Variants in IQGAP3 observed in about 807,000 individuals in gnomAD.
The protein encoded by IQGAP3 is IQ motif containing GTPase activating protein 3, also known as ras GTPase-activating-like protein IQGAP3.
Under a neutral mutation model 208.2 loss-of-function variants are expected in IQGAP3, and 165 were observed. That is an observed-to-expected ratio of 0.79 (90% CI 0.70 to 0.90). The LOEUF (loss-of-function observed/expected upper bound fraction) is 0.90. Ranked by LOEUF, IQGAP3 falls within the 40% of genes least tolerant of loss-of-function variation. IQGAP3 has a pLI of 0.00. For synonymous variants in IQGAP3, 703 were observed against 803.6 expected, an observed-to-expected ratio of 0.87 and a Z score of 2.12; for missense variants, 1,811 against 2,043.1, an observed-to-expected ratio of 0.89 and a Z score of 2.19.
At chr1:156,569,344 A>T in intron 2 of IQGAP3, 32 bp downstream of exon 2, 1 of 1,441,718 alleles carries the variant, frequency 6.9e-7, no homozygotes, top group Non-Finnish European at 9.7e-7. Flanking sequence ...AAGGGAGAGC[A>T]GAAAGAGTCC....
chr1:156,534,756 C>A, intron 28 of IQGAP3, 23 bp from the exon 29 acceptor site: 1 of 1,467,592 alleles, frequency 6.8e-7, no homozygotes, highest in South Asian at 1.4e-5. Flanking sequence ...GAGACTCTCC[C>A]AGAAGTGTCC....
At chr1:156,550,179 G>A in intron 16 of IQGAP3, 82 bp downstream of exon 16, 1 of 939,734 alleles carries the variant, frequency 1.1e-6, no homozygotes. Context: ...GGTGACCAGG[G>A]AGGCTGCCTG....
In IQGAP3 at chr1:156,534,836, C is replaced by G. The variant is rs2102367387; in HGVS notation, c.3508-103G>C. The G allele has an allele frequency of 3.5e-6, 3 of 859,638 alleles. No individual in the cohort carries two copies. The East Asian group carries it at 8.2e-5, about 24-fold the overall frequency. The allele number at this position is 859,638 out of a possible 1,614,324, so 53.3% of individuals were successfully genotyped here. On this transcript the variant is annotated intron_variant, in intron 28 of 37. Transcript: ENST00000361170. ...GGCTGGAAGGGACACCTGGGCCAAC[C>G]CCCTCACTTCAAAGAAAACAGGCCC...
At chr1:156,549,698 G>C (rs763822145) in intron 16 of IQGAP3, among the ~76,000 whole-genome samples, 1 of 152,072 alleles carries the variant, frequency 6.6e-6, no homozygotes, top group Non-Finnish European at 1.5e-5. Context: ...TCTTAGAAGA[G>C]AGCCTAAGAG....
chr1:156,533,525 T>C (rs966294901), intron 31 of IQGAP3, among the ~76,000 whole-genome samples: 2 of 152,202 alleles, frequency 1.3e-5, no homozygotes, highest in Non-Finnish European at 2.9e-5. Flanking sequence ...CCCTGATCCC[T>C]GTGCCTCTTT....
In IQGAP3 at chr1:156,548,629, C is replaced by T. The variant is rs77834544; in HGVS notation, c.1945G>A (p.Gly649Ser). 2,200 of 1,610,858 alleles carry T rather than the reference C, an allele frequency of 1.4e-3. 27 individuals are homozygous for T. In the African/African-American group the frequency reaches 0.024, roughly 18 times the overall value. Reference sequence around the variant, plus strand: ...GCACTTTCCAGGGCTCGCTGGTAGCCGTTGGCACAGTCGGGAACTACCCCT... The same window carrying T: ...GCACTTTCCAGGGCTCGCTGGTAGCTGTTGGCACAGTCGGGAACTACCCCT... ...LRGVVPDCAN[G>S]YQRALESAMA... Residue 649 changes from glycine to serine, a missense_variant, in exon 17 of 38, where the codon GGC becomes AGC. Coordinates refer to ENST00000361170, the MANE Select transcript of IQGAP3 (RefSeq NM_178229.5).
At position 156,533,866 on chromosome 1, in the gene IQGAP3, C is replaced by G. The variant is rs550783446; in HGVS notation, c.3883G>C (p.Glu1295Gln). Reference sequence around the variant, plus strand: ...TCAGGGGCAATGCAGTCCTGGTGCTCCAGCAACAGCTGCAGGACGGAGAAA... The same window carrying G: ...TCAGGGGCAATGCAGTCCTGGTGCTGCAGCAACAGCTGCAGGACGGAGAAA... Reference protein sequence around the residue: ...ELVNTHRLLLEHQDCIAPDHQ... With the variant: ...ELVNTHRLLLQHQDCIAPDHQ... The change falls in exon 31 of 38, where the codon GAG becomes CAG. Residue 1295 changes from glutamate (E) to glutamine (Q), a missense_variant. Coordinates refer to ENST00000361170, the MANE Select transcript of IQGAP3 (RefSeq NM_178229.5). The G allele has an allele frequency of 6.2e-7, 1 of 1,610,048 alleles. No individual in the cohort carries two copies. The highest frequency in any genetic ancestry group is 8.5e-7 in the Non-Finnish European group (1 of 1,177,860).
Position 156,563,231 on chromosome 1 carries a change from C to T in IQGAP3, c.701G>A (p.Ser234Asn). 1.2e-6 allele frequency: 2 copies of T among 1,613,362 alleles called. No individual in the cohort carries two copies. Among genetic ancestry groups the T allele is most frequent in the Non-Finnish European group, 1.7e-6 (2 of 1,179,362 alleles). Residue 234 changes from serine to asparagine, a missense_variant, in exon 8 of 38, where the codon AGT becomes AAT. By Grantham distance (46) the Ser-to-Asn change is conservative (BLOSUM62 1). Coordinates refer to ENST00000361170, the MANE Select transcript of IQGAP3 (RefSeq NM_178229.5). ...EDTLAALQNP[S>N]ALLENLREPL... ...CTCTCGGAGATTCTCCAGAAGAGCACTGGGATTCTGCAAGGCAGCCAGGGT... is the reference window on the plus strand; with the variant it reads ...CTCTCGGAGATTCTCCAGAAGAGCATTGGGATTCTGCAAGGCAGCCAGGGT...
At chr1:156,543,915 G>T in intron 22 of IQGAP3, 66 bp downstream of exon 22, 1 of 1,400,132 alleles carries the variant, frequency 7.1e-7, no homozygotes, top group Non-Finnish European at 1.0e-6. Context: ...AGGATGTCTA[G>T]ACCTGCCTGG....
At chr1:156,537,399 G>T in intron 26 of IQGAP3, 78 bp from the exon 27 acceptor site, 1 of 1,385,160 alleles carries the variant, frequency 7.2e-7, no homozygotes, top group Non-Finnish European at 9.8e-7. Flanking sequence ...TTCCTTAAAC[G>T]CTTGTCTAAC....
At chr1:156,550,220 C>T in intron 16 of IQGAP3, 41 bp downstream of exon 16, 2 of 1,406,330 alleles carry the variant, frequency 1.4e-6, no homozygotes, top group South Asian at 1.2e-5. Context: ...GCCCACATCA[C>T]CATCCCTCCC....
At position 156,530,137 on chromosome 1, in the gene IQGAP3, C is replaced by T; in HGVS notation, c.4372G>A (p.Gly1458Ser). The T allele has an allele frequency of 6.2e-7, 1 of 1,608,214 alleles. No homozygotes were observed. The highest frequency in any genetic ancestry group is 1.1e-5 in the South Asian group (1 of 89,644). Reference sequence around the variant, plus strand: ...AGCTCGTCCACTAGCCCCTGGTAGCCATTTCTGGCGCTGACCAACCCCAGG... The same window carrying T: ...AGCTCGTCCACTAGCCCCTGGTAGCTATTTCTGGCGCTGACCAACCCCAGG... Reference protein sequence around the residue: ...EALGLVSARNGYQGLVDELAK... With the variant: ...EALGLVSARNSYQGLVDELAK... Residue 1458 changes from glycine (G) to serine (S), a missense_variant, in exon 34 of 38, where the codon GGC becomes AGC. Coordinates refer to ENST00000361170, the MANE Select transcript of IQGAP3 (RefSeq NM_178229.5).
rs1184252962 is a variant in IQGAP3, at chr1:156,552,196, C to T, written c.1449-101G>A. ...GATTTTCTTCACTTGACCTCCAGGACACCACACTCTTTTAGTTCTCTTCTT... is the reference window on the plus strand; with the variant it reads ...GATTTTCTTCACTTGACCTCCAGGATACCACACTCTTTTAGTTCTCTTCTT... On this transcript the variant is annotated intron_variant, in intron 13 of 37. Transcript: ENST00000361170. The T allele has an allele frequency of 1.2e-5, 17 of 1,392,370 alleles. 1 individual carries two copies. Among genetic ancestry groups the T allele is most frequent in the Non-Finnish European group, 1.6e-5 (16 of 1,016,474 alleles). The allele number at this position is 1,392,370 out of a possible 1,614,324, so 86.3% of individuals were successfully genotyped here. A position where few individuals can be genotyped will look rare whatever the true frequency, so the allele number is the denominator to read the frequency against.
chr1:156,544,011 TG>T lies in IQGAP3; in HGVS notation c.2499del (p.Arg834GlyfsTer10). 6.2e-7 allele frequency: 1 copy of T among 1,614,188 alleles called. No homozygotes were observed. The highest frequency in any genetic ancestry group is 8.5e-7 in the Non-Finnish European group (1 of 1,180,020). The part of the protein sequence containing the change: ...SIVKIQAFFR[A>X]RKAQDDYRIL... ...ATCCTGTAGTCATCTTGGGCTTTCC[TG>T]GCTCGGAAAAATGCCTGGATCTTCA... On this transcript the variant is annotated frameshift_variant, in exon 22 of 38. Transcript: ENST00000361170. LOFTEE classifies it high-confidence loss of function.
intron 11 of IQGAP3, 149 bp downstream of exon 11, chr1:156,560,785 A>G (rs1676111994): frequency 3.5e-6 from 2 of 574,636 alleles, no homozygotes; most frequent in South Asian, 4.5e-5. Context: ...GCAGGAATAA[A>G]GCAGATTATG....
At chr1:156,541,754 G>C (rs1674996225) in intron 22 of IQGAP3, among the ~76,000 whole-genome samples, 2 of 152,194 alleles carry the variant, frequency 1.3e-5, no homozygotes, top group African/African-American at 2.4e-5. Flanking sequence ...CCTAAAGGCA[G>C]TCTAGTAGGG....
chr1:156,566,037 C>T lies in IQGAP3; in HGVS notation c.350G>A (p.Gly117Asp). The T allele has an allele frequency of 6.2e-7, 1 of 1,613,234 alleles. No homozygotes were observed. Among genetic ancestry groups the T allele is most frequent in the Non-Finnish European group, 8.5e-7 (1 of 1,179,290 alleles). ...NFWLSAIAHI[G>D]LPSTFFPETT... ...CAGGCCCAGTATTACCGAAGGCAGA[C>T]CGATGTGGGCTATTGCAGATAGCCA... Residue 117 changes from glycine (G) to aspartate (D), a missense_variant, in exon 4 of 38, where the codon GGT becomes GAT. Transcript: ENST00000361170.
intron 16 of IQGAP3, among the ~76,000 whole-genome samples, chr1:156,549,346 C>T (rs552755646): frequency 7.9e-5 from 12 of 151,982 alleles, no homozygotes; most frequent in Non-Finnish European, 1.3e-4. Flanking sequence ...TGGTGGGCGC[C>T]TATAATCCCA....
At chr1:156,533,570 G>A (rs776765888) in intron 31 of IQGAP3, among the ~76,000 whole-genome samples, 3 of 152,102 alleles carry the variant, frequency 2.0e-5, no homozygotes, top group Non-Finnish European at 4.4e-5. Flanking sequence ...CATGATGATC[G>A]TGGGTCCCTC....
Sources: gnomAD v4.1 joint callset for allele counts (sites outside exome capture counted in the v4.1 genomes callset) on GRCh38, gnomAD v4.1.1 for gene constraint, MANE v1.5 for transcripts, NCBI Gene and HGNC (gene_info 2026-07-23, HGNC 2026-07-21) for gene names.